Variants in JAKMIP1 observed in about 807,000 individuals in gnomAD.
JAKMIP1 encodes the protein janus kinase and microtubule-interacting protein 1.
A neutral mutation model predicts 113.0 loss-of-function variants in JAKMIP1; 33 were observed. That is an observed-to-expected ratio of 0.29 (90% CI 0.22 to 0.39). The LOEUF (loss-of-function observed/expected upper bound fraction) is 0.39. Among genes scored for constraint, JAKMIP1 ranks in the 10% least tolerant of loss-of-function variants. The pLI, the probability that JAKMIP1 is intolerant of heterozygous loss-of-function variation, is 1.00. For missense variants in JAKMIP1, 813 were observed against 1,080.5 expected (o/e 0.75, Z 3.47); for synonymous variants, 480 against 459.9 (o/e 1.04, Z -0.56).
chr4:6,054,595 AG>A (rs1716092331), intron 12 of JAKMIP1, among the ~76,000 whole-genome samples: 1 of 152,050 alleles, frequency 6.6e-6, no homozygotes. Context: ...TGCGGCAGGG[AG>A]GGCCCCTCCT....
At chr4:6,165,759 G>A (rs1208936284) in intron 1 of JAKMIP1, among the ~76,000 whole-genome samples, 1 of 151,528 alleles carries the variant, frequency 6.6e-6, no homozygotes, top group Non-Finnish European at 1.5e-5. Context: ...GCTTTATTGA[G>A]TGGTCTGGAA....
intron 16 of JAKMIP1, among the ~76,000 whole-genome samples, chr4:6,045,197 T>C (rs772760041): frequency 6.6e-6 from 1 of 152,238 alleles, no homozygotes; most frequent in Non-Finnish European, 1.5e-5. Context: ...CTCCTATCCA[T>C]CGTTACTAGT....
chr4:6,078,650 G>T (rs994273367), intron 8 of JAKMIP1, among the ~76,000 whole-genome samples: 1 of 152,048 alleles, frequency 6.6e-6, no homozygotes, highest in Admixed American at 6.5e-5. Context: ...TCCTTCAAAA[G>T]GTTTAAGTAT....
At chr4:6,171,435 TCAC>T (rs1449975255) in intron 1 of JAKMIP1, among the ~76,000 whole-genome samples, 1 of 146,424 alleles carries the variant, frequency 6.8e-6, no homozygotes, top group Non-Finnish European at 1.5e-5. Flanking sequence ...ACCACCACTC[TCAC>T]CACCATCACC....
chr4:6,050,520 C>T lies in JAKMIP1; in HGVS notation c.1908+58G>A, dbSNP rs1041767067. On this transcript the variant is annotated intron_variant, in intron 14 of 20. Transcript: ENST00000409021. This position sits in a 1 kb window ranked among gnomAD's most constrained non-coding sequence, Gnocchi z 7.4. ...CAGCACTCCCCCTTTGCAGCTGAGC[C>T]GGGCACTGAGCGAGCCCTTGGCTGG... is the stretch of plus-strand genomic sequence containing the variant. The T allele has an allele frequency of 1.0e-5, 12 of 1,198,006 alleles. No individual in the cohort carries two copies. Among genetic ancestry groups the T allele is most frequent in the South Asian group, 4.0e-5 (3 of 75,914 alleles). The allele number at this position is 1,198,006 out of a possible 1,614,324, so 74.2% of individuals were successfully genotyped here. A position where few individuals can be genotyped will look rare whatever the true frequency, so the allele number is the denominator to read the frequency against.
Position 6,080,047 on chromosome 4 carries a change from T to G in JAKMIP1, c.1242+125A>C. Reference sequence around the variant, plus strand: ...AGGGTGAGCTTGGTGAGTCCCAAAGTCAGCACTGCCTGACCCTGACCCAGC... The same window carrying G: ...AGGGTGAGCTTGGTGAGTCCCAAAGGCAGCACTGCCTGACCCTGACCCAGC... On this transcript the variant is annotated intron_variant, in intron 7 of 20. Coordinates refer to ENST00000409021, the MANE Select transcript of JAKMIP1 (RefSeq NM_001099433.2). This position sits in a 1 kb window ranked among gnomAD's most constrained non-coding sequence, Gnocchi z 6.0. 8.9e-7 allele frequency: 1 copy of G among 1,120,556 alleles called. No homozygotes were observed. The highest frequency in any genetic ancestry group is 1.2e-6 in the Non-Finnish European group (1 of 807,094). 69.4% of individuals were successfully genotyped at this position (1,120,556 alleles called of 1,614,324 possible). A position where few individuals can be genotyped will look rare whatever the true frequency, so the allele number is the denominator to read the frequency against.
chr4:6,043,054 C>G (rs1419022683), intron 16 of JAKMIP1, among the ~76,000 whole-genome samples: 1 of 152,014 alleles, frequency 6.6e-6, no homozygotes, highest in Admixed American at 6.5e-5. Context: ...CAGGCCAGCA[C>G]AGGGTGGCTG....
intron 1 of JAKMIP1, among the ~76,000 whole-genome samples, chr4:6,117,522 C>T (rs371781143): frequency 0.084 from 12,834 of 151,952 alleles, 647 homozygotes; most frequent in African/African-American, 0.14. Context: ...GGACCAGGAC[C>T]GAAGTGAAAT....
chr4:6,114,128 G>C (rs747366368), intron 1 of JAKMIP1, among the ~76,000 whole-genome samples: 2 of 152,254 alleles, frequency 1.3e-5, no homozygotes, highest in African/African-American at 4.8e-5. Flanking sequence ...CAGTCAGTGA[G>C]TCGTGGCGTT....
rs765747884 is a variant in JAKMIP1, at chr4:6,040,309, T to C, written c.2175+330A>G. On this transcript the variant is annotated intron_variant, in intron 18 of 20. Transcript: ENST00000409021. This position sits in a 1 kb window ranked among gnomAD's most constrained non-coding sequence, Gnocchi z 5.8. ...CTCTTTTTCCTATTTATAGGAAAAC[T>C]TGCTTTGGGACTTTAAGTCTAAATA... 2.6e-5 allele frequency among the ~76,000 whole-genome samples: 4 copies of C among 152,220 alleles called. No individual in the cohort carries two copies. The highest frequency in any genetic ancestry group is 7.2e-5 in the African/African-American group (3 of 41,446).
At chr4:6,147,055 T>A (rs868414655) in intron 1 of JAKMIP1, among the ~76,000 whole-genome samples, 11 of 152,160 alleles carry the variant, frequency 7.2e-5, no homozygotes, top group African/African-American at 2.4e-4. Context: ...GCCTCCTGGG[T>A]TCAAGTGATT....
Position 6,181,961 on chromosome 4 carries a change from G to A in JAKMIP1, c.-148+18292C>T, listed in dbSNP as rs1726076076. Among the ~76,000 whole-genome samples the A allele has an allele frequency of 6.6e-6, 1 of 152,144 alleles. No homozygotes were observed. The highest frequency in any genetic ancestry group is 2.4e-5 in the African/African-American group (1 of 41,414). On this transcript the variant is annotated intron_variant, in intron 1 of 20. Transcript: ENST00000409021. The surrounding 1 kb of genome is among the most constrained non-coding windows in gnomAD (Gnocchi z 5.4). ...GCCTGTGCAGACAGGAGGAGGAGGG[G>A]TCTGGGCAAGTTCAGGGAAAGCAGA...
rs768318560 is a variant in JAKMIP1 at position 6,081,779 on chromosome 4, G to A, written c.955-24C>T. 2 of 1,613,994 alleles carry A rather than the reference G, an allele frequency of 1.2e-6. No individual in the cohort carries two copies. The highest frequency in any genetic ancestry group is 1.7e-6 in the Non-Finnish European group (2 of 1,179,936). On this transcript the variant is annotated intron_variant, in intron 5 of 20. Coordinates refer to ENST00000409021, the MANE Select transcript of JAKMIP1 (RefSeq NM_001099433.2). The surrounding 1 kb of genome is among the most constrained non-coding windows in gnomAD (Gnocchi z 4.6). ...AGCTGTGGTTGGAAACAGACACAGA[G>A]GCTCAGACAACTTGACGACGGACGG...
At position 6,137,542 on chromosome 4, in the gene JAKMIP1, G is replaced by C. The variant is rs1239743356; in HGVS notation, c.-147-24545C>G. Reference sequence around the variant, plus strand: ...TCAGGGAAATCAGGAGCTGTGATTTGGTTGAACGTTCCAGATGGCCTCACT... The same window carrying C: ...TCAGGGAAATCAGGAGCTGTGATTTCGTTGAACGTTCCAGATGGCCTCACT... On this transcript the variant is annotated intron_variant, in intron 1 of 20. Transcript: ENST00000409021. This position sits in a 1 kb window ranked among gnomAD's most constrained non-coding sequence, Gnocchi z 4.5. 6.6e-6 allele frequency among the ~76,000 whole-genome samples: 1 copy of C among 152,188 alleles called. No homozygotes were observed. The highest frequency in any genetic ancestry group is 1.5e-5 in the Non-Finnish European group (1 of 68,032).
intron 20 of JAKMIP1, 47 bp downstream of exon 20, chr4:6,029,669 A>G (rs773324567): frequency 8.5e-6 from 11 of 1,297,876 alleles, no homozygotes; most frequent in Non-Finnish European, 1.2e-5. Context: ...CCGCACTAAC[A>G]TTTCATGGAA....
chr4:6,172,811 C>T (rs542773081), intron 1 of JAKMIP1, among the ~76,000 whole-genome samples: 84 of 152,304 alleles, frequency 5.5e-4, no homozygotes, highest in African/African-American at 1.9e-3. Context: ...ACCCTGCCCC[C>T]GTGATCACAC....
chr4:6,079,352 GTGGA>G (rs543038896), intron 7 of JAKMIP1, among the ~76,000 whole-genome samples: 49 of 152,114 alleles, frequency 3.2e-4, no homozygotes, highest in Non-Finnish European at 6.5e-4. Context: ...AGATGGGTGG[GTGGA>G]TGGATGGATG....
intron 1 of JAKMIP1, among the ~76,000 whole-genome samples, chr4:6,163,597 T>C (rs1310564325): frequency 1.3e-5 from 2 of 152,190 alleles, no homozygotes; most frequent in Non-Finnish European, 2.9e-5. Flanking sequence ...GTTGCATGTC[T>C]CTCACTTTAA....
At chr4:6,130,872 A>T (rs1004329584) in intron 1 of JAKMIP1, among the ~76,000 whole-genome samples, 11 of 152,082 alleles carry the variant, frequency 7.2e-5, no homozygotes, top group Admixed American at 2.6e-4. Flanking sequence ...AATAAATAAA[A>T]AAAACGAATA....
Sources: gnomAD v4.1 joint callset for allele counts (sites outside exome capture counted in the v4.1 genomes callset) on GRCh38, gnomAD v4.1.1 for gene constraint, Gnocchi (gnomAD v3.1) non-coding constraint, MANE v1.5 for transcripts, NCBI Gene and HGNC (gene_info 2026-07-23, HGNC 2026-07-21) for gene names.